DOCK9: variants seen among roughly 807,000 people sequenced by gnomAD.
DOCK9 encodes dedicator of cytokinesis protein 9.
DOCK9 carries 89 observed loss-of-function variants against 263.3 expected under a neutral mutation model. The observed-to-expected ratio is 0.34, with a 90% CI of 0.28 to 0.40. The LOEUF (loss-of-function observed/expected upper bound fraction) is 0.40, where lower values mean the gene tolerates loss of function less well. Ranked by LOEUF, DOCK9 falls within the 10% of genes least tolerant of loss-of-function variation. DOCK9 has a pLI of 1.00. For synonymous variants in DOCK9, 976 were observed against 973.1 expected, an observed-to-expected ratio of 1.00 and a Z score of -0.06; for missense variants, 2,140 against 2,603.4, an observed-to-expected ratio of 0.82 and a Z score of 3.87.
chr13:99,075,611 C>G (rs534832327), intron 1 of DOCK9, among the ~76,000 whole-genome samples: 13 of 152,004 alleles, frequency 8.6e-5, no homozygotes, highest in Middle Eastern at 3.4e-3. Flanking sequence ...AGCATTGCCC[C>G]ACCTCAGCCT....
At chr13:98,953,985 C>A (rs2057736691) in intron 2 of DOCK9, among the ~76,000 whole-genome samples, 1 of 152,112 alleles carries the variant, frequency 6.6e-6, no homozygotes, top group East Asian at 1.9e-4. Flanking sequence ...AAAATTCTCA[C>A]CTCTGTTGTA....
intron 45 of DOCK9, among the ~76,000 whole-genome samples, chr13:98,815,456 A>C (rs151238923): frequency 1.3e-5 from 2 of 152,224 alleles, no homozygotes; most frequent in Non-Finnish European, 2.9e-5. Context: ...TTCAAAGAGA[A>C]ATGTAAAATT....
chr13:99,061,562 G>C (rs2041191697), intron 1 of DOCK9, among the ~76,000 whole-genome samples: 1 of 152,144 alleles, frequency 6.6e-6, no homozygotes, highest in Admixed American at 6.6e-5. Flanking sequence ...GGCAGACTGG[G>C]GAAGCCAGCG....
At chr13:99,011,615 T>C (rs1403396022) in intron 1 of DOCK9, among the ~76,000 whole-genome samples, 5 of 152,230 alleles carry the variant, frequency 3.3e-5, no homozygotes, top group African/African-American at 7.2e-5. Flanking sequence ...TTAACACTTA[T>C]GTGCAAGACA....
At chr13:98,967,599 C>T (rs975807774) in intron 1 of DOCK9, among the ~76,000 whole-genome samples, 14 of 152,202 alleles carry the variant, frequency 9.2e-5, no homozygotes, top group Admixed American at 2.0e-4. Context: ...TCCAATGCCT[C>T]TGTTCCTCTT....
rs779681513 is a variant in DOCK9 at position 98,829,684 on chromosome 13, A to C, written c.4708T>G (p.Ser1570Ala). Residue 1570 changes from serine to alanine, a missense_variant, in exon 42 of 53, where the codon TCC becomes GCC. By Grantham distance (99) the Ser-to-Ala change is moderately conservative (BLOSUM62 1). Transcript: ENST00000682017. The surrounding 1 kb of genome is among the most constrained non-coding windows in gnomAD (Gnocchi z 4.1). ...CTGTTGGCACAGTTGTTGATGATGGACAGGGACTGCTGGAATCTGGTTCCC... is the reference window on the plus strand; with the variant it reads ...CTGTTGGCACAGTTGTTGATGATGGCCAGGGACTGCTGGAATCTGGTTCCC... ...IGGTRFQQSL[S>A]IINNCANSDR... 6.2e-7 allele frequency: 1 copy of C among 1,610,088 alleles called. No individual in the cohort carries two copies. The highest frequency in any genetic ancestry group is 1.1e-5 in the South Asian group (1 of 89,784).
intron 29 of DOCK9, among the ~76,000 whole-genome samples, 171 bp from the exon 30 acceptor site, chr13:98,867,707 G>C (rs1025863718): frequency 6.6e-6 from 1 of 152,098 alleles, no homozygotes; most frequent in African/African-American, 2.4e-5. Context: ...GGATTGATTT[G>C]AAAACTAAGG....
At chr13:99,076,440 T>C (rs114298593) in intron 1 of DOCK9, among the ~76,000 whole-genome samples, 133 of 152,346 alleles carry the variant, frequency 8.7e-4, no homozygotes, top group African/African-American at 3.2e-3. Flanking sequence ...TAAAATCCTA[T>C]GCAAAGATCC....
intron 45 of DOCK9, among the ~76,000 whole-genome samples, chr13:98,819,570 G>T (rs1026349074): frequency 3.9e-5 from 6 of 152,158 alleles, no homozygotes; most frequent in Non-Finnish European, 7.3e-5. Context: ...AATGAAGTAG[G>T]GCAGTATGTG....
intron 1 of DOCK9, among the ~76,000 whole-genome samples, chr13:99,068,839 AGC>A (rs2041547086): frequency 1.3e-5 from 2 of 152,218 alleles, no homozygotes; most frequent in Admixed American, 6.5e-5. Context: ...TGTAAATTCT[AGC>A]TAGTATAATA....
intron 3 of DOCK9, among the ~76,000 whole-genome samples, chr13:98,929,373 TC>T (rs2140261001): frequency 6.6e-6 from 1 of 152,154 alleles, no homozygotes; most frequent in South Asian, 2.1e-4. Context: ...TGAAACCCTG[TC>T]CCTACTAAAA....
chr13:98,927,832 G>C (rs2053250881), intron 3 of DOCK9, among the ~76,000 whole-genome samples: 1 of 151,846 alleles, frequency 6.6e-6, no homozygotes, highest in South Asian at 2.1e-4. Flanking sequence ...TGTTGGTCAG[G>C]CTGGTCTCGA....
intron 27 of DOCK9, among the ~76,000 whole-genome samples, chr13:98,874,833 T>C (rs1249947088): frequency 6.6e-6 from 1 of 152,194 alleles, no homozygotes; most frequent in African/African-American, 2.4e-5. Context: ...AAGAACCTAC[T>C]GTACCTCTCT....
intron 3 of DOCK9, 25 bp downstream of exon 3, chr13:98,930,143 A>T (rs1470835004): frequency 6.3e-7 from 1 of 1,588,884 alleles, no homozygotes; most frequent in East Asian, 2.3e-5. Flanking sequence ...TTCAAAATGT[A>T]AATTAATGCA....
chr13:98,997,015 C>T (rs1326471001), intron 1 of DOCK9, among the ~76,000 whole-genome samples: 1 of 152,220 alleles, frequency 6.6e-6, no homozygotes, highest in Non-Finnish European at 1.5e-5. Flanking sequence ...GTGCTCCCCT[C>T]TCACAACCTG....
At chr13:99,065,599 G>C (rs980442978) in intron 1 of DOCK9, among the ~76,000 whole-genome samples, 2 of 152,106 alleles carry the variant, frequency 1.3e-5, no homozygotes, top group African/African-American at 4.8e-5. Context: ...CCTTCCTCAA[G>C]GCCTGTGCTC....
chr13:99,043,348 C>T (rs2142145073), intron 1 of DOCK9, among the ~76,000 whole-genome samples: 1 of 152,332 alleles, frequency 6.6e-6, no homozygotes, highest in South Asian at 2.1e-4. Flanking sequence ...TCTCAGTGAA[C>T]AGCTGTAGGC....
intron 19 of DOCK9, 49 bp downstream of exon 19, chr13:98,886,483 T>C: frequency 6.5e-7 from 1 of 1,538,142 alleles, no homozygotes; most frequent in Non-Finnish European, 8.9e-7. Flanking sequence ...ACATTAAAGT[T>C]TCCCTTAAAA....
At chr13:98,867,005 A>G (rs1434766355) in intron 30 of DOCK9, 4 of 397,616 alleles carry the variant, frequency 1.0e-5, no homozygotes, top group Admixed American at 7.8e-5. Context: ...CATCACTTGC[A>G]TTCTTTATTT....
Sources: gnomAD v4.1 joint callset for allele counts (sites outside exome capture counted in the v4.1 genomes callset) on GRCh38, gnomAD v4.1.1 for gene constraint, Gnocchi (gnomAD v3.1) non-coding constraint, MANE v1.5 for transcripts, NCBI Gene and HGNC (gene_info 2026-07-23, HGNC 2026-07-21) for gene names.